Variants in IGF2BP2 observed in about 807,000 individuals in gnomAD.
IGF2BP2 encodes insulin like growth factor 2 mRNA binding protein 2, also known as insulin-like growth factor 2 mRNA-binding protein 2.
Under a neutral mutation model 75.8 loss-of-function variants are expected in IGF2BP2, and 17 were observed. The ratio of observed to expected loss-of-function variants is 0.22; its 90% CI spans 0.15 to 0.34. The LOEUF is 0.34. IGF2BP2 is among the 10% of genes least tolerant of loss of function. The pLI is 1.00. For synonymous variants in IGF2BP2, 288 were observed against 295.6 expected (o/e 0.97, Z 0.26); for missense variants, 516 against 772.4 (o/e 0.67, Z 3.93).
At chr3:185,820,973 C>G (rs562005464) in intron 2 of IGF2BP2, 1 of 1,530,142 alleles carries the variant, frequency 6.5e-7, no homozygotes, top group African/African-American at 1.4e-5. Context: ...AAATAGTCTC[C>G]ATATAACATA....
chr3:185,713,299 C>A (rs1354501789), intron 2 of IGF2BP2: 9 of 399,762 alleles, frequency 2.3e-5, no homozygotes, highest in Non-Finnish European at 4.0e-5. Flanking sequence ...CTTGTTATTG[C>A]GACTTTGATC....
chr3:185,677,060 TATATATATAGAGAG>T lies in IGF2BP2; in HGVS notation c.813-1161_813-1148del, dbSNP rs1217513608. Reference sequence around the variant, plus strand: ...ATATATGGAGATATATATATATATATATATATATAGAGAGAGAGAGAGAGAGAGAGAGAGAGAGA... The same window carrying T: ...ATATATGGAGATATATATATATATATAGAGAGAGAGAGAGAGAGAGAGAGA... On this transcript the variant is annotated intron_variant, in intron 7 of 15. Coordinates refer to ENST00000382199, the MANE Select transcript of IGF2BP2 (RefSeq NM_006548.6). 2.0e-3 allele frequency among the ~76,000 whole-genome samples: 106 copies of T among 52,822 alleles called. 1 individual carries two copies. The highest frequency in any genetic ancestry group is 3.0e-3 in the Non-Finnish European group (85 of 28,064). The allele number at this position is 52,822 out of a possible 152,430, so 34.7% of individuals were successfully genotyped here.
intron 2 of IGF2BP2, among the ~76,000 whole-genome samples, chr3:185,700,657 T>C (rs1723163262): frequency 6.6e-6 from 1 of 152,206 alleles, no homozygotes; most frequent in African/African-American, 2.4e-5. Flanking sequence ...ATTTTTGTTA[T>C]TTCCAAATAC....
At chr3:185,786,551 G>A (rs1439213238) in intron 2 of IGF2BP2, among the ~76,000 whole-genome samples, 4 of 151,864 alleles carry the variant, frequency 2.6e-5, no homozygotes, top group East Asian at 3.9e-4. Flanking sequence ...GCCCCTGCCC[G>A]TAAGAGAAAA....
intron 2 of IGF2BP2, among the ~76,000 whole-genome samples, chr3:185,729,086 A>G (rs1348918425): frequency 1.3e-5 from 2 of 152,132 alleles, no homozygotes; most frequent in Admixed American, 1.3e-4. Context: ...GTCCTTGACA[A>G]AGCAGTAAAG....
intron 2 of IGF2BP2, among the ~76,000 whole-genome samples, chr3:185,794,169 T>C (rs1328295321): frequency 1.3e-5 from 2 of 151,618 alleles, no homozygotes; most frequent in East Asian, 3.9e-4. Flanking sequence ...TCTCACTACA[T>C]TGCCAAGGCT....
chr3:185,804,028 G>A lies in IGF2BP2; in HGVS notation c.239+19125C>T, dbSNP rs552832663. On this transcript the variant is annotated intron_variant, in intron 2 of 15. Transcript: ENST00000382199. Reference sequence around the variant, plus strand: ...AATCCCAGCACTTTGGGAGGCTGAGGCGGGTGGATCACGAGGTCAGGAGCT... The same window carrying A: ...AATCCCAGCACTTTGGGAGGCTGAGACGGGTGGATCACGAGGTCAGGAGCT... Among the ~76,000 whole-genome samples, 7 of 152,344 alleles carry A rather than the reference G, an allele frequency of 4.6e-5. No homozygotes were observed. In the South Asian group the frequency reaches 1.4e-3, roughly 32 times the overall value.
chr3:185,694,898 C>A (rs577253645), intron 4 of IGF2BP2, among the ~76,000 whole-genome samples: 3 of 152,126 alleles, frequency 2.0e-5, no homozygotes, highest in Non-Finnish European at 2.9e-5. Context: ...GCCAGCCTGG[C>A]CAACACGGTG....
At chr3:185,744,667 G>C (rs138803920) in intron 2 of IGF2BP2, among the ~76,000 whole-genome samples, 88 of 152,222 alleles carry the variant, frequency 5.8e-4, no homozygotes, top group Admixed American at 1.3e-3. Context: ...AAATTAGCTG[G>C]GCGTGGTGGC....
intron 5 of IGF2BP2, among the ~76,000 whole-genome samples, 167 bp downstream of exon 5, chr3:185,692,532 T>G (rs1310071756): frequency 6.6e-6 from 1 of 152,144 alleles, no homozygotes; most frequent in Non-Finnish European, 1.5e-5. Context: ...TACCAATATG[T>G]CAAAGGTGGC....
intron 2 of IGF2BP2, among the ~76,000 whole-genome samples, chr3:185,771,562 T>A (rs1578250125): frequency 6.6e-6 from 1 of 152,264 alleles, no homozygotes; most frequent in East Asian, 1.9e-4. Flanking sequence ...AAGACTGATA[T>A]CCAAAACTCC....
At chr3:185,692,794 G>T in intron 4 of IGF2BP2, 32 bp from the exon 5 acceptor site, 2 of 1,605,726 alleles carry the variant, frequency 1.2e-6, no homozygotes, top group South Asian at 1.1e-5. Flanking sequence ...CACTGTCATA[G>T]GAAAAAGTGC....
intron 2 of IGF2BP2, chr3:185,716,899 G>GT: frequency 8.5e-6 from 4 of 467,846 alleles, no homozygotes; most frequent in Non-Finnish European, 1.3e-5. Context: ...ACATCCTGTT[G>GT]TAACGCTCTG....
At chr3:185,679,863 C>T (rs964774591) in intron 7 of IGF2BP2, among the ~76,000 whole-genome samples, 4 of 152,290 alleles carry the variant, frequency 2.6e-5, no homozygotes, top group Non-Finnish European at 5.9e-5. Context: ...ATCCACCCAC[C>T]TCGGCCTCCC....
chr3:185,800,295 G>A (rs1003996259), intron 2 of IGF2BP2, among the ~76,000 whole-genome samples: 1 of 152,112 alleles, frequency 6.6e-6, no homozygotes, highest in African/African-American at 2.4e-5. Context: ...GGGACTGGGG[G>A]AGGTATAGCA....
At chr3:185,757,061 T>C (rs1306528289) in intron 2 of IGF2BP2, among the ~76,000 whole-genome samples, 1 of 152,216 alleles carries the variant, frequency 6.6e-6, no homozygotes, top group African/African-American at 2.4e-5. Context: ...TCTAGCCGTA[T>C]CTCTATCCTA....
intron 2 of IGF2BP2, among the ~76,000 whole-genome samples, chr3:185,803,259 G>C (rs918870751): frequency 2.0e-5 from 3 of 152,176 alleles, no homozygotes; most frequent in African/African-American, 7.2e-5. Flanking sequence ...GCTGAGGCAG[G>C]ATAATCACTT....
intron 7 of IGF2BP2, among the ~76,000 whole-genome samples, chr3:185,686,015 T>G (rs1721074888): frequency 6.6e-6 from 1 of 152,234 alleles, no homozygotes. Context: ...TTAATTTGTT[T>G]GGTAAGAACT....
intron 11 of IGF2BP2, among the ~76,000 whole-genome samples, chr3:185,657,771 ACGGCCC>A (rs1479556708): frequency 6.6e-6 from 1 of 152,204 alleles, no homozygotes; most frequent in African/African-American, 2.4e-5. Flanking sequence ...TGGCCTGAAG[ACGGCCC>A]CAAGGCATTC....
Sources: gnomAD v4.1 joint callset for allele counts (sites outside exome capture counted in the v4.1 genomes callset) on GRCh38, gnomAD v4.1.1 for gene constraint, MANE v1.5 for transcripts, NCBI Gene and HGNC (gene_info 2026-07-23, HGNC 2026-07-21) for gene names.